SCFD1: variants seen among roughly 807,000 people sequenced by gnomAD.
SCFD1 encodes sec1 family domain containing 1, also known as sec1 family domain-containing protein 1.
SCFD1 carries 37 observed loss-of-function variants against 103.2 expected under a neutral mutation model. The ratio of observed to expected loss-of-function variants is 0.36; its 90% CI spans 0.28 to 0.47. The LOEUF is 0.47. SCFD1 is among the 20% of genes least tolerant of loss of function. The pLI is 1.00. For missense variants in SCFD1, 639 were observed against 761.2 expected, an observed-to-expected ratio of 0.84 and a Z score of 1.89; for synonymous variants, 264 against 245.0, an observed-to-expected ratio of 1.08 and a Z score of -0.73.
intron 16 of SCFD1, among the ~76,000 whole-genome samples, chr14:30,701,326 G>A (rs983630002): frequency 6.6e-6 from 1 of 152,140 alleles, no homozygotes; most frequent in Admixed American, 6.5e-5. Context: ...AGGCCAAGGT[G>A]GGAAGATCAC....
intron 4 of SCFD1, chr14:30,634,845 G>A (rs1464261993): frequency 2.2e-6 from 1 of 456,020 alleles, no homozygotes; most frequent in South Asian, 1.5e-5. Flanking sequence ...GACTGTGCCA[G>A]CCCTGACTGT....
intron 10 of SCFD1, among the ~76,000 whole-genome samples, chr14:30,664,056 A>G (rs1887686025): frequency 6.6e-6 from 1 of 152,160 alleles, no homozygotes; most frequent in Non-Finnish European, 1.5e-5. Flanking sequence ...AGCTCTGAGA[A>G]TGGACAGACT....
chr14:30,674,966 A>G lies in SCFD1; in HGVS notation c.1161-18A>G. 1 of 1,492,254 alleles carries G rather than the reference A, an allele frequency of 6.7e-7. No individual in the cohort carries two copies. 92.4% of individuals were successfully genotyped at this position (1,492,254 alleles called of 1,614,324 possible). On this transcript the variant is annotated intron_variant, in intron 13 of 24. Transcript: ENST00000458591. ...TAGAAAATTTATTGGTTAATATTTAATTTTTTGATACTTGCAGTTCTTTGC... is the reference window on the plus strand; with the variant it reads ...TAGAAAATTTATTGGTTAATATTTAGTTTTTTGATACTTGCAGTTCTTTGC...
intron 19 of SCFD1, among the ~76,000 whole-genome samples, chr14:30,713,299 T>C (rs1462250230): frequency 2.0e-5 from 3 of 152,188 alleles, no homozygotes; most frequent in Non-Finnish European, 4.4e-5. Context: ...AGTATGTGAA[T>C]ATTGTATTGT....
At chr14:30,652,838 G>A (rs921803830) in intron 9 of SCFD1, among the ~76,000 whole-genome samples, 3 of 151,718 alleles carry the variant, frequency 2.0e-5, no homozygotes, top group Admixed American at 6.6e-5. Context: ...TAGTTGCCCC[G>A]TCTCTAAAAA....
At chr14:30,646,835 C>A (rs892227400) in intron 7 of SCFD1, among the ~76,000 whole-genome samples, 1 of 152,050 alleles carries the variant, frequency 6.6e-6, no homozygotes. Flanking sequence ...CCTTGTTAAA[C>A]CTTGGCAGGT....
intron 10 of SCFD1, among the ~76,000 whole-genome samples, chr14:30,663,985 A>G (rs1887679493): frequency 6.6e-6 from 1 of 152,182 alleles, no homozygotes; most frequent in Admixed American, 6.5e-5. Flanking sequence ...ACTTCTGCAG[A>G]CTTAAACGTC....
At chr14:30,729,021 G>C (rs1893255559) in intron 23 of SCFD1, among the ~76,000 whole-genome samples, 1 of 151,824 alleles carries the variant, frequency 6.6e-6, no homozygotes, top group Non-Finnish European at 1.5e-5. Flanking sequence ...TGGCCTCCCA[G>C]AGTGTTGGGA....
intron 21 of SCFD1, among the ~76,000 whole-genome samples, chr14:30,719,855 A>G (rs1418420333): frequency 6.7e-6 from 1 of 150,220 alleles, no homozygotes; most frequent in African/African-American, 2.4e-5. Context: ...TATCACAGAC[A>G]TTGGATGGTA....
At chr14:30,632,874 A>G (rs533529166) in intron 3 of SCFD1, among the ~76,000 whole-genome samples, 1 of 152,328 alleles carries the variant, frequency 6.6e-6, no homozygotes, top group South Asian at 2.1e-4. Flanking sequence ...GGGTAATAGG[A>G]TAGTCTACCA....
At chr14:30,666,263 G>A (rs981025444) in intron 10 of SCFD1, among the ~76,000 whole-genome samples, 9 of 152,124 alleles carry the variant, frequency 5.9e-5, no homozygotes, top group South Asian at 2.1e-4. Context: ...ACTCAAAACC[G>A]CACAACTACC....
At chr14:30,671,565 T>G (rs1485236735) in intron 11 of SCFD1, among the ~76,000 whole-genome samples, 1 of 152,148 alleles carries the variant, frequency 6.6e-6, no homozygotes, top group African/African-American at 2.4e-5. Flanking sequence ...TAAGAACAAT[T>G]TAAGAGGTCA....
intron 10 of SCFD1, among the ~76,000 whole-genome samples, chr14:30,654,606 G>A (rs573368967): frequency 2.0e-5 from 3 of 151,962 alleles, no homozygotes; most frequent in East Asian, 1.9e-4. Context: ...CCCAGGAGGC[G>A]GAGGTTGCAG....
chr14:30,697,529 G>T lies in SCFD1; in HGVS notation c.1340-2659G>T, dbSNP rs78071502. On this transcript the variant is annotated intron_variant, in intron 15 of 24. Coordinates refer to ENST00000458591, the MANE Select transcript of SCFD1 (RefSeq NM_016106.4). ...AAGTAACGGTGCGGTGGAGAAGCCT[G>T]ATAAATACCTTATTAGGTAACCACA... Among the ~76,000 whole-genome samples, 119 of 152,306 alleles carry T rather than the reference G, an allele frequency of 7.8e-4. 1 individual carries two copies. In the East Asian group the frequency reaches 0.016, roughly 20 times the overall value.
chr14:30,667,865 AAGG>A (rs1364526761), intron 10 of SCFD1, among the ~76,000 whole-genome samples: 1 of 152,194 alleles, frequency 6.6e-6, no homozygotes, highest in Admixed American at 6.5e-5. Flanking sequence ...GGACCTCTTC[AAGG>A]AGAACTACAA....
chr14:30,631,446 A>C (rs755222176), intron 3 of SCFD1, among the ~76,000 whole-genome samples: 2 of 152,222 alleles, frequency 1.3e-5, no homozygotes, highest in Non-Finnish European at 2.9e-5. Flanking sequence ...TGAAAACAGA[A>C]TGTTTTTATA....
Position 30,722,482 on chromosome 14 carries a change from T to G in SCFD1, c.1771-12T>G. On this transcript the variant is annotated splice_polypyrimidine_tract_variant and intron_variant, in intron 22 of 24. Transcript: ENST00000458591. ...ACTGTGTTTTTTTTTTTTTAATCTG[T>G]TTGCATTTTAGGCCATTGTTTTTGT... 6.3e-7 allele frequency: 1 copy of G among 1,575,310 alleles called. No individual in the cohort carries two copies. The highest frequency in any genetic ancestry group is 8.6e-7 in the Non-Finnish European group (1 of 1,159,656).
At chr14:30,678,299 AG>A (rs777668275) in intron 14 of SCFD1, among the ~76,000 whole-genome samples, 44 of 152,280 alleles carry the variant, frequency 2.9e-4, no homozygotes, top group Admixed American at 7.8e-4. Context: ...TAACCTTTTT[AG>A]AAATCCTGGC....
intron 23 of SCFD1, among the ~76,000 whole-genome samples, chr14:30,734,220 C>T (rs1893677115): frequency 1.3e-5 from 2 of 152,136 alleles, no homozygotes; most frequent in Admixed American, 6.5e-5. Context: ...TTCAGGTTCA[C>T]GATACATACA....
Sources: allele counts gnomAD v4.1 joint callset (sites outside exome capture counted in the v4.1 genomes callset), GRCh38; gene constraint gnomAD v4.1.1; transcripts MANE v1.5; gene names NCBI Gene and HGNC (gene_info 2026-07-23, HGNC 2026-07-21).